EML6: variants seen among roughly 807,000 people sequenced by gnomAD.
EML6 encodes echinoderm microtubule-associated protein-like 6.
In EML6, 154 loss-of-function variants were observed where a neutral mutation model predicts 240.1. That is an observed-to-expected ratio of 0.64 (90% CI 0.56 to 0.73). The LOEUF (loss-of-function observed/expected upper bound fraction) is 0.73. Among genes scored for constraint, EML6 ranks in the 30% least tolerant of loss-of-function variants. The pLI is 0.00. For synonymous variants in EML6, 1,148 were observed against 899.0 expected (o/e 1.28, Z -4.95); for missense variants, 2,964 against 2,474.6 (o/e 1.20, Z -4.20).
intron 20 of EML6, 112 bp from the exon 21 acceptor site, chr2:54,895,161 A>T: frequency 7.4e-7 from 1 of 1,343,468 alleles, no homozygotes; most frequent in Non-Finnish European, 1.0e-6. Context: ...CTCTGGTAGA[A>T]ATGTCAAGGC....
At chr2:54,810,254 T>G (rs115879040) in intron 2 of EML6, among the ~76,000 whole-genome samples, 260 of 152,292 alleles carry the variant, frequency 1.7e-3, no homozygotes, top group African/African-American at 4.9e-3. Flanking sequence ...GTGGTAAATT[T>G]ATGGGCTTCA....
intron 2 of EML6, among the ~76,000 whole-genome samples, chr2:54,760,367 T>A (rs934587790): frequency 3.9e-5 from 6 of 152,178 alleles, no homozygotes; most frequent in Non-Finnish European, 8.8e-5. Context: ...GAGTATTGCT[T>A]TATGCATGTG....
intron 5 of EML6, among the ~76,000 whole-genome samples, chr2:54,823,194 C>T (rs998671514): frequency 3.3e-5 from 5 of 152,108 alleles, no homozygotes; most frequent in African/African-American, 7.2e-5. Context: ...AAATCAAAGC[C>T]CTCTATCGAT....
chr2:54,834,174 C>A (rs756494634), intron 7 of EML6, among the ~76,000 whole-genome samples: 15 of 152,158 alleles, frequency 9.9e-5, no homozygotes, highest in Non-Finnish European at 1.9e-4. Context: ...AGAACTCCCT[C>A]ACTTCATGGA....
intron 17 of EML6, chr2:54,880,474 G>T (rs187254196): frequency 1.3e-5 from 2 of 152,204 alleles, no homozygotes; most frequent in East Asian, 3.9e-4. Flanking sequence ...ATATTAAATA[G>T]GAAAAAAGTT....
At chr2:54,781,321 G>A (rs1572889151) in intron 2 of EML6, among the ~76,000 whole-genome samples, 1 of 152,102 alleles carries the variant, frequency 6.6e-6, no homozygotes, top group Non-Finnish European at 1.5e-5. Context: ...ACCCTTCTGT[G>A]GCCAATAAAT....
At position 54,829,446 on chromosome 2, in the gene EML6, T is replaced by A; in HGVS notation, c.816T>A (p.Ile272=). 6.4e-7 allele frequency: 1 copy of A among 1,551,928 alleles called. No individual in the cohort carries two copies. Among genetic ancestry groups the A allele is most frequent in the Non-Finnish European group, 8.7e-7 (1 of 1,146,800 alleles). ...WDTDFKPITK[I]DLRETEQGYK... is the part of the protein sequence containing the mutation. The stretch of plus-strand genomic sequence containing the variant: ...CTGATTTCAAACCAATAACCAAAAT[T>A]GATCTCAGGGAGACAGAACAAGGAT... The change falls in exon 7 of 42, where the codon ATT becomes ATA. Residue 272 remains isoleucine, a synonymous_variant. Coordinates refer to ENST00000356458, the MANE Select transcript of EML6 (RefSeq NM_001039753.4).
In EML6 at chr2:54,813,384, A is replaced by G. The variant is rs1366286990; in HGVS notation, c.350A>G (p.Asp117Gly). ...HGVACLAFDS[D>G]GQRLASVGLD... ...GTTGCCTGCCTGGCTTTTGACTCAG[A>G]TGGACAGGTGTGTATCTTTTTTTAG... Residue 117 changes from aspartate to glycine, a missense_variant, in exon 3 of 42, where the codon GAT (aspartate) becomes GGT (glycine). Physicochemically the swap from Asp to Gly is moderately conservative, Grantham distance 94. Transcript: ENST00000356458. The G allele has an allele frequency of 1.9e-6, 3 of 1,551,008 alleles. No individual in the cohort carries two copies. Among genetic ancestry groups the G allele is most frequent in the African/African-American group, 2.7e-5 (2 of 73,014 alleles).
chr2:54,747,590 C>T (rs1301488845), intron 2 of EML6: 1 of 152,076 alleles, frequency 6.6e-6, no homozygotes, highest in Admixed American at 6.6e-5. Context: ...TGTCTGAAAC[C>T]CACATAAAGA....
chr2:54,928,896 C>A, intron 28 of EML6, 145 bp downstream of exon 28: 2 of 986,632 alleles, frequency 2.0e-6, no homozygotes, highest in Non-Finnish European at 3.0e-6. Context: ...TGTACACAGG[C>A]TTAAGCTGAG....
intron 34 of EML6, among the ~76,000 whole-genome samples, chr2:54,959,891 A>G (rs1277325043): frequency 6.6e-6 from 1 of 152,230 alleles, no homozygotes; most frequent in East Asian, 1.9e-4. Context: ...AGAAGAGGGG[A>G]GATGCAGAAG....
chr2:54,826,531 C>CAG (rs1395077401), intron 5 of EML6, among the ~76,000 whole-genome samples: 2 of 152,150 alleles, frequency 1.3e-5, no homozygotes, highest in African/African-American at 4.8e-5. Flanking sequence ...ACCCAGGAGG[C>CAG]AGAGGTTGCA....
At chr2:54,822,456 A>G (rs1668377329) in intron 5 of EML6, among the ~76,000 whole-genome samples, 1 of 152,212 alleles carries the variant, frequency 6.6e-6, no homozygotes, top group Non-Finnish European at 1.5e-5. Context: ...TATCAATAGC[A>G]AATAACCAAA....
intron 5 of EML6, among the ~76,000 whole-genome samples, chr2:54,824,312 T>G (rs1301547811): frequency 6.6e-6 from 1 of 152,206 alleles, no homozygotes; most frequent in Non-Finnish European, 1.5e-5. Context: ...ACATTTTTTC[T>G]AAGCAAATAC....
At chr2:54,773,690 T>C (rs1280475612) in intron 2 of EML6, among the ~76,000 whole-genome samples, 1 of 152,246 alleles carries the variant, frequency 6.6e-6, no homozygotes, top group Non-Finnish European at 1.5e-5. Flanking sequence ...CTCTCTTCTT[T>C]CATCTACTGT....
At chr2:54,847,737 T>TGG in intron 9 of EML6, 114 bp downstream of exon 9, 1 of 1,131,086 alleles carries the variant, frequency 8.8e-7, no homozygotes, top group Non-Finnish European at 1.2e-6. Flanking sequence ...GCCATTCAAA[T>TGG]AGGAATACTA....
intron 4 of EML6, among the ~76,000 whole-genome samples, chr2:54,818,844 G>A (rs548037298): frequency 6.6e-6 from 1 of 152,102 alleles, no homozygotes; most frequent in East Asian, 1.9e-4. Context: ...ACATAATTTT[G>A]CTCTTTATTA....
chr2:54,796,818 G>A (rs1669807603), intron 2 of EML6, among the ~76,000 whole-genome samples: 1 of 152,082 alleles, frequency 6.6e-6, no homozygotes, highest in African/African-American at 2.4e-5. Flanking sequence ...GGCTATTATA[G>A]AGGGTTAAGT....
chr2:54,899,603 T>G, intron 21 of EML6, 38 bp from the exon 22 acceptor site: 1 of 1,546,464 alleles, frequency 6.5e-7, no homozygotes, highest in South Asian at 1.2e-5. Context: ...CCAAACAGCA[T>G]AAGTAGAGTT....
Sources: allele counts gnomAD v4.1 joint callset (sites outside exome capture counted in the v4.1 genomes callset), GRCh38; gene constraint gnomAD v4.1.1; transcripts MANE v1.5; gene names NCBI Gene and HGNC (gene_info 2026-07-23, HGNC 2026-07-21).